KCTD1: variants seen among roughly 807,000 people sequenced by gnomAD.
KCTD1 encodes potassium channel tetramerization domain containing 1.
Under a neutral mutation model 66.0 loss-of-function variants are expected in KCTD1, and 24 were observed. The observed-to-expected ratio is 0.36, with a 90% CI of 0.26 to 0.51. The LOEUF (loss-of-function observed/expected upper bound fraction) is 0.51. Among genes scored for constraint, KCTD1 ranks in the 20% least tolerant of loss-of-function variants. The pLI, the probability that KCTD1 is intolerant of heterozygous loss-of-function variation, is 0.95. For synonymous variants in KCTD1, 511 were observed against 517.2 expected (o/e 0.99, Z 0.16); for missense variants, 943 against 1,205.2 (o/e 0.78, Z 3.22).
intron 1 of KCTD1, among the ~76,000 whole-genome samples, chr18:26,617,340 T>C (rs545810066): frequency 6.6e-6 from 1 of 152,366 alleles, no homozygotes; most frequent in African/African-American, 2.4e-5. Context: ...CCAAGAGGAA[T>C]GTATGCTGTC....
At chr18:26,558,985 C>T (rs1365220341) in intron 1 of KCTD1, among the ~76,000 whole-genome samples, 1 of 151,786 alleles carries the variant, frequency 6.6e-6, no homozygotes, top group Non-Finnish European at 1.5e-5. Context: ...GTCATTTGCA[C>T]CAACCTTGAT....
chr18:26,496,408 G>A (rs1005981485), intron 2 of KCTD1, among the ~76,000 whole-genome samples: 1 of 151,888 alleles, frequency 6.6e-6, no homozygotes, highest in African/African-American at 2.4e-5. Flanking sequence ...GTTTTTCTTG[G>A]GGATTACAAT....
At chr18:26,530,187 T>C (rs1465264936) in intron 1 of KCTD1, among the ~76,000 whole-genome samples, 4 of 152,202 alleles carry the variant, frequency 2.6e-5, no homozygotes, top group Non-Finnish European at 5.9e-5. Context: ...AATTTTAACA[T>C]GGACCCCCTC....
chr18:26,502,327 G>T (rs1198746791), intron 1 of KCTD1, among the ~76,000 whole-genome samples: 1 of 152,172 alleles, frequency 6.6e-6, no homozygotes, highest in Non-Finnish European at 1.5e-5. Flanking sequence ...GGGATTACAG[G>T]GGTGAGCCAC....
At chr18:26,525,972 A>C (rs1242987946) in intron 1 of KCTD1, among the ~76,000 whole-genome samples, 1 of 151,982 alleles carries the variant, frequency 6.6e-6, no homozygotes, top group Non-Finnish European at 1.5e-5. Context: ...GGCGCTTGTC[A>C]TCTTGTGGCC....
At chr18:26,504,612 A>G (rs1426829598) in intron 1 of KCTD1, among the ~76,000 whole-genome samples, 1 of 151,938 alleles carries the variant, frequency 6.6e-6, no homozygotes, top group Non-Finnish European at 1.5e-5. Context: ...GCCTCAAGCA[A>G]TCCTCCTGCT....
intron 1 of KCTD1, among the ~76,000 whole-genome samples, chr18:26,598,497 C>CACACACACA (rs1555645999): frequency 3.3e-5 from 5 of 151,528 alleles, no homozygotes; most frequent in Non-Finnish European, 7.4e-5. Context: ...CACACACACA[C>CACACACACA]GTTTTTGATT....
intron 1 of KCTD1, among the ~76,000 whole-genome samples, chr18:26,637,422 G>T (rs985384789): frequency 2.0e-5 from 3 of 152,224 alleles, no homozygotes; most frequent in Non-Finnish European, 4.4e-5. Context: ...GGGTGGTGCT[G>T]ATGTGAGCTG....
intron 1 of KCTD1, among the ~76,000 whole-genome samples, chr18:26,609,652 C>T (rs996939459): frequency 3.9e-5 from 6 of 152,168 alleles, no homozygotes; most frequent in African/African-American, 1.2e-4. Flanking sequence ...GCGGGTAGTT[C>T]AGATTGACTC....
chr18:26,656,031 G>C (rs933325482), intron 1 of KCTD1, among the ~76,000 whole-genome samples: 1 of 152,132 alleles, frequency 6.6e-6, no homozygotes. Context: ...AGGGTGGCGG[G>C]AGTGGGTAGG....
intron 1 of KCTD1, among the ~76,000 whole-genome samples, chr18:26,651,393 G>A (rs4486990): frequency 0.086 from 13,148 of 152,260 alleles, 583 homozygotes; most frequent in Admixed American, 0.11. Flanking sequence ...TTTGACTTCA[G>A]GAAACGGATA....
At chr18:26,488,063 A>G (rs1644768252) in intron 2 of KCTD1, among the ~76,000 whole-genome samples, 1 of 152,244 alleles carries the variant, frequency 6.6e-6, no homozygotes, top group Non-Finnish European at 1.5e-5. Context: ...ATCTGCATAA[A>G]GAATTATCAA....
chr18:26,612,767 T>C (rs545572231), intron 1 of KCTD1, among the ~76,000 whole-genome samples: 9 of 152,240 alleles, frequency 5.9e-5, no homozygotes, highest in Admixed American at 1.3e-4. Context: ...TTCCTTGTGC[T>C]GTATCCTGGA....
chr18:26,620,828 A>G (rs972488069), intron 1 of KCTD1, among the ~76,000 whole-genome samples: 1 of 119,216 alleles, frequency 8.4e-6, no homozygotes, highest in African/African-American at 3.1e-5. Context: ...GAAACACTTG[A>G]AAAGCTTTTT....
chr18:26,599,769 T>G, intron 1 of KCTD1: 1 of 1,576,964 alleles, frequency 6.3e-7, no homozygotes, highest in Non-Finnish European at 8.7e-7. Flanking sequence ...TGACTCTTTC[T>G]GGTCTTGTGG....
intron 1 of KCTD1, among the ~76,000 whole-genome samples, chr18:26,645,706 C>A (rs1772888201): frequency 6.6e-6 from 1 of 152,148 alleles, no homozygotes; most frequent in Admixed American, 6.5e-5. Context: ...CTGTGTGAAT[C>A]CTTTTTTATT....
intron 1 of KCTD1, among the ~76,000 whole-genome samples, chr18:26,511,875 G>A (rs183360468): frequency 8.7e-4 from 132 of 152,202 alleles, no homozygotes; most frequent in Middle Eastern, 3.4e-3. Flanking sequence ...CAGAGAAGGC[G>A]GGGACCAGCT....
In KCTD1 at chr18:26,492,605, C is replaced by CAATAAATAAATA. The variant is rs56266790; in HGVS notation, c.1988+8455_1988+8466dup. Among the ~76,000 whole-genome samples, 110 of 138,604 alleles carry CAATAAATAAATA rather than the reference C, an allele frequency of 7.9e-4. 1 individual carries two copies. The highest frequency in any genetic ancestry group is 4.8e-3 in the South Asian group (19 of 3,934). 90.9% of individuals were successfully genotyped at this position (138,604 alleles called of 152,430 possible). On this transcript the variant is annotated intron_variant, in intron 2 of 4. Coordinates refer to ENST00000580059, the MANE Select transcript of KCTD1 (RefSeq NM_001142730.3). The stretch of plus-strand genomic sequence containing the variant: ...TGAGTGACAGAACAAGACACTGTCT[C>CAATAAATAAATA]AATAAATAAATAAATAAATAAATAA...
intron 4 of KCTD1, chr18:26,456,183 T>C (rs1162863641): frequency 1.0e-5 from 3 of 299,188 alleles, no homozygotes; most frequent in African/African-American, 4.3e-5. Context: ...CTGAGGTTCA[T>C]GGCTAGTCAG....
Sources: gnomAD v4.1 joint callset for allele counts (sites outside exome capture counted in the v4.1 genomes callset) on GRCh38, gnomAD v4.1.1 for gene constraint, MANE v1.5 for transcripts, NCBI Gene and HGNC (gene_info 2026-07-23, HGNC 2026-07-21) for gene names.